Variants in PLEKHG1 observed in about 807,000 individuals in gnomAD.
PLEKHG1 encodes the protein pleckstrin homology and RhoGEF domain containing G1.
Under a neutral mutation model 100.8 loss-of-function variants are expected in PLEKHG1, and 44 were observed. That is an observed-to-expected ratio of 0.44 (90% CI 0.34 to 0.56). The LOEUF (loss-of-function observed/expected upper bound fraction) is 0.56, where lower values mean the gene tolerates loss of function less well. Among genes scored for constraint, PLEKHG1 ranks in the 20% least tolerant of loss-of-function variants. The pLI is 0.01. For synonymous variants in PLEKHG1, 640 were observed against 662.5 expected (o/e 0.97, Z 0.52); for missense variants, 1,545 against 1,720.9 (o/e 0.90, Z 1.81).
At chr6:150,755,241 G>A (rs1251514487) in intron 2 of PLEKHG1, among the ~76,000 whole-genome samples, 2 of 152,070 alleles carry the variant, frequency 1.3e-5, no homozygotes, top group African/African-American at 4.8e-5. Flanking sequence ...CTCCCAAAGT[G>A]CTAGGACTAT....
chr6:150,739,676 A>C (rs78513717), intron 2 of PLEKHG1, among the ~76,000 whole-genome samples: 13 of 151,948 alleles, frequency 8.6e-5, no homozygotes, highest in South Asian at 2.1e-4. Context: ...AAAAAAAAAA[A>C]CAAAAAAACA....
chr6:150,615,503 C>A (rs1777035675), intron 1 of PLEKHG1, among the ~76,000 whole-genome samples: 1 of 152,206 alleles, frequency 6.6e-6, no homozygotes, highest in African/African-American at 2.4e-5. Context: ...TGGTTTATTT[C>A]TCATTTTCCT....
chr6:150,723,027 G>A, intron 1 of PLEKHG1, among the ~76,000 whole-genome samples: 1 of 152,140 alleles, frequency 6.6e-6, no homozygotes, highest in Middle Eastern at 3.2e-3. Context: ...CCAAGACCTG[G>A]CATTCGTAGG....
At chr6:150,658,865 T>G (rs1779072336) in intron 3 of PLEKHG1, among the ~76,000 whole-genome samples, 1 of 152,224 alleles carries the variant, frequency 6.6e-6, no homozygotes, top group African/African-American at 2.4e-5. Context: ...AGCAAAAAAC[T>G]AACATTTGCA....
At chr6:150,613,498 T>C (rs1217498794) in intron 1 of PLEKHG1, among the ~76,000 whole-genome samples, 1 of 152,188 alleles carries the variant, frequency 6.6e-6, no homozygotes, top group East Asian at 1.9e-4. Context: ...TGCCCTCTCA[T>C]GCCTCTGAGT....
At chr6:150,826,050 G>A (rs1776579871) in intron 14 of PLEKHG1, among the ~76,000 whole-genome samples, 1 of 152,004 alleles carries the variant, frequency 6.6e-6, no homozygotes, top group Non-Finnish European at 1.5e-5. Flanking sequence ...GCGTGGTCGT[G>A]GGCGGCTGTA....
At chr6:150,839,653 C>T (rs756902333) in intron 15 of PLEKHG1, among the ~76,000 whole-genome samples, 180 bp from the exon 17 acceptor site, 6 of 151,988 alleles carry the variant, frequency 3.9e-5, no homozygotes, top group Non-Finnish European at 7.4e-5. Flanking sequence ...TATATTAAAC[C>T]ATGGATTTGT....
At chr6:150,670,456 G>GC (rs1401529706) in intron 3 of PLEKHG1, among the ~76,000 whole-genome samples, 1 of 152,154 alleles carries the variant, frequency 6.6e-6, no homozygotes, top group East Asian at 1.9e-4. Context: ...GAAGCCCTGA[G>GC]CAGGGCAGCC....
At chr6:150,721,265 G>A in intron 1 of PLEKHG1, 1 of 748,906 alleles carries the variant, frequency 1.3e-6, no homozygotes. Flanking sequence ...CCCTCTGGGA[G>A]CAGCCAGAGA....
At chr6:150,706,953 C>G (rs1216866919) in intron 3 of PLEKHG1, among the ~76,000 whole-genome samples, 2 of 140,602 alleles carry the variant, frequency 1.4e-5, no homozygotes, top group Non-Finnish European at 3.1e-5. Flanking sequence ...GGTCTTCTAG[C>G]ATATGTTTCA....
At chr6:150,814,416 A>G (rs1787735138) in intron 10 of PLEKHG1, among the ~76,000 whole-genome samples, 1 of 152,250 alleles carries the variant, frequency 6.6e-6, no homozygotes, top group African/African-American at 2.4e-5. Context: ...ATAACATCGT[A>G]CTTTCTCCCC....
Position 150,683,901 on chromosome 6 carries a change from A to G in PLEKHG1, c.-99+33115A>G. The stretch of plus-strand genomic sequence containing the variant: ...GATGGAGGTAAGATGGAGCGATCCT[A>G]TGGTTTGGCACCTGCAGCCAGGGTG... On this transcript the variant is annotated intron_variant, in intron 3 of 3. Transcript: ENST00000367326. The surrounding 1 kb of genome is among the most constrained non-coding windows in gnomAD (Gnocchi z 4.0). 3 of 1,054,280 alleles carry G rather than the reference A, an allele frequency of 2.8e-6. No homozygotes were observed. The highest frequency in any genetic ancestry group is 1.7e-5 in the African/African-American group (1 of 60,248). The allele number at this position is 1,054,280 out of a possible 1,614,324, so 65.3% of individuals were successfully genotyped here. A position where few individuals can be genotyped will look rare whatever the true frequency, so the allele number is the denominator to read the frequency against.
At chr6:150,804,175 A>ATATATATATATATATATTTTTTTTT (rs1173213745) in intron 6 of PLEKHG1, among the ~76,000 whole-genome samples, 1 of 43,176 alleles carries the variant, frequency 2.3e-5, no homozygotes, top group African/African-American at 9.9e-5. Context: ...ATATATATAT[A>ATATATATATATATATATTTTTTTTT]TTTTTTTTTT....
At chr6:150,727,319 G>A (rs6557094) in intron 1 of PLEKHG1, among the ~76,000 whole-genome samples, 1 of 151,924 alleles carries the variant, frequency 6.6e-6, no homozygotes, top group Non-Finnish European at 1.5e-5. Context: ...AGATGTCCCC[G>A]TTCTCCATGT....
At chr6:150,828,484 T>G (rs1182268268) in intron 14 of PLEKHG1, 1 of 1,004,344 alleles carries the variant, frequency 1.0e-6, no homozygotes, top group African/African-American at 1.6e-5. Context: ...TTTTTAGTTT[T>G]GTATAAATTA....
Position 150,831,778 on chromosome 6 carries a change from C to T in PLEKHG1, c.2667C>T (p.Ser889=). Residue 889 remains serine (S), a synonymous_variant, in exon 15 of 16, where the codon TCC becomes TCT. Transcript: ENST00000358517. The surrounding 1 kb of genome is among the most constrained non-coding windows in gnomAD (Gnocchi z 4.1). Reference sequence around the variant, plus strand: ...GCCGGGACGTGGGGCGCTCTGTGTCCACGCTGTCCCTGCCTGAGAGCCAGG... The same window carrying T: ...GCCGGGACGTGGGGCGCTCTGTGTCTACGCTGTCCCTGCCTGAGAGCCAGG... 6.2e-7 allele frequency: 1 copy of T among 1,613,488 alleles called. No homozygotes were observed. Among genetic ancestry groups the T allele is most frequent in the South Asian group, 1.1e-5 (1 of 91,066 alleles).
intron 3 of PLEKHG1, among the ~76,000 whole-genome samples, chr6:150,785,124 A>G (rs935108320): frequency 3.3e-5 from 5 of 152,174 alleles, no homozygotes; most frequent in Admixed American, 1.3e-4. Context: ...AATAATACCT[A>G]AAGTTGAAAA....
At chr6:150,822,944 C>T (rs1254169030) in intron 13 of PLEKHG1, among the ~76,000 whole-genome samples, 6 of 152,114 alleles carry the variant, frequency 3.9e-5, no homozygotes, top group African/African-American at 7.2e-5. Context: ...TGTGCCACTG[C>T]GCTCCAGCCT....
intron 3 of PLEKHG1, among the ~76,000 whole-genome samples, chr6:150,689,647 G>A (rs918284022): frequency 2.6e-5 from 4 of 152,188 alleles, no homozygotes; most frequent in African/African-American, 9.7e-5. Flanking sequence ...TGGGTCACCT[G>A]AGGTCAGGAG....
Sources: gnomAD v4.1 joint callset for allele counts (sites outside exome capture counted in the v4.1 genomes callset) on GRCh38, gnomAD v4.1.1 for gene constraint, Gnocchi (gnomAD v3.1) non-coding constraint, MANE v1.5 for transcripts, NCBI Gene and HGNC (gene_info 2026-07-23, HGNC 2026-07-21) for gene names.